The following IARS2 variants were observed in gnomAD, a reference collection of about 807,000 sequenced individuals.
The protein encoded by IARS2 is isoleucyl-tRNA synthetase 2, mitochondrial.
IARS2 carries 56 observed loss-of-function variants against 126.3 expected under a neutral mutation model. The observed-to-expected ratio is 0.44, with a 90% CI of 0.36 to 0.55. IARS2 has a LOEUF of 0.55. IARS2 is among the 20% of genes least tolerant of loss of function. The pLI, the probability that IARS2 is intolerant of heterozygous loss-of-function variation, is 0.00. For missense variants in IARS2, 1,127 were observed against 1,245.9 expected (o/e 0.90, Z 1.44); for synonymous variants, 407 against 441.1 (o/e 0.92, Z 0.97).
At chr1:220,115,616 A>C (rs17007135) in intron 12 of IARS2, among the ~76,000 whole-genome samples, 19,774 of 152,100 alleles carry the variant, frequency 0.13, 1,506 homozygotes, top group South Asian at 0.2. Flanking sequence ...TAAATTTGTT[A>C]AGTTTTACAG....
intron 11 of IARS2, among the ~76,000 whole-genome samples, chr1:220,113,630 T>G (rs555460816): frequency 7.1e-6 from 1 of 141,138 alleles, no homozygotes; most frequent in African/African-American, 3.2e-5. Context: ...TCGATAGATA[T>G]ATATATATAG....
intron 12 of IARS2, among the ~76,000 whole-genome samples, chr1:220,115,569 A>T (rs1041814676): frequency 6.6e-6 from 1 of 152,134 alleles, no homozygotes; most frequent in African/African-American, 2.4e-5. Flanking sequence ...CAAAAAAATT[A>T]AAAAAGAAAA....
At chr1:220,131,492 C>T (rs924278943) in intron 14 of IARS2, among the ~76,000 whole-genome samples, 54 of 152,048 alleles carry the variant, frequency 3.6e-4, no homozygotes, top group African/African-American at 1.2e-3. Flanking sequence ...GCTGTGACTA[C>T]AGGCATGAGC....
intron 17 of IARS2, 132 bp downstream of exon 17, chr1:220,138,175 A>T (rs939551710): frequency 6.4e-5 from 68 of 1,056,632 alleles, no homozygotes; most frequent in Non-Finnish European, 8.9e-5. Flanking sequence ...GTGAGATTTT[A>T]AGAATCTCCT....
chr1:220,097,365 C>CTTTTTTT (rs34660784), intron 2 of IARS2, among the ~76,000 whole-genome samples: 1 of 134,512 alleles, frequency 7.4e-6, no homozygotes. Flanking sequence ...GTTCTTTTTT[C>CTTTTTTT]TTTTTTTTTT....
chr1:220,098,167 G>A (rs970603870), intron 2 of IARS2, among the ~76,000 whole-genome samples: 6 of 152,136 alleles, frequency 3.9e-5, no homozygotes, highest in Non-Finnish European at 5.9e-5. Flanking sequence ...GATTACAGGC[G>A]TGAGCCACTG....
intron 21 of IARS2, among the ~76,000 whole-genome samples, chr1:220,143,553 A>C (rs781220719): frequency 6.6e-5 from 10 of 152,162 alleles, no homozygotes; most frequent in Admixed American, 6.5e-4. Context: ...CCTCAGGACT[A>C]TTTAGAAGAC....
At position 220,139,069 on chromosome 1, in the gene IARS2, C is replaced by A. The variant is rs369797279; in HGVS notation, c.2237C>A (p.Ser746Tyr). The A allele has an allele frequency of 6.2e-7, 1 of 1,612,852 alleles. No homozygotes were observed. The highest frequency in any genetic ancestry group is 1.1e-5 in the South Asian group (1 of 91,040). The change falls in exon 18 of 23, where the codon TCC becomes TAC. Residue 746 changes from serine to tyrosine, a missense_variant. Physicochemically the swap from Ser to Tyr is moderately radical, Grantham distance 144. Transcript: ENST00000366922. ...GCTGATTTCAACCCAGAAACAGATT[C>A]CATCCCTGTAAACGATATGTATGTC... ...NVADFNPETDSIPVNDMYVID... is the reference protein window; with the variant it reads ...NVADFNPETDYIPVNDMYVID...
In IARS2 at chr1:220,094,272, G is replaced by A; in HGVS notation, c.56G>A (p.Arg19Gln). The A allele has an allele frequency of 1.2e-6, 2 of 1,609,256 alleles. No individual in the cohort carries two copies. The highest frequency in any genetic ancestry group is 1.7e-6 in the Non-Finnish European group (2 of 1,178,038). The change falls in exon 1 of 23, where the codon CGA becomes CAA. Residue 19 changes from arginine to glutamine, a missense_variant. Physicochemically the swap from Arg to Gln is conservative, Grantham distance 43 (BLOSUM62 1). Coordinates refer to ENST00000366922, the MANE Select transcript of IARS2 (RefSeq NM_018060.4). ...GGCGCGGCCGCCCTGGCCACTGCCC[G>A]AAGTTTGTGGGGGACGCCCCGCCTT... ...GPGAAALATA[R>Q]SLWGTPRLPC...
chr1:220,142,113 A>T (rs1657502725), intron 20 of IARS2, among the ~76,000 whole-genome samples, 165 bp downstream of exon 20: 1 of 152,156 alleles, frequency 6.6e-6, no homozygotes, highest in Non-Finnish European at 1.5e-5. Context: ...TTTGTAGAGG[A>T]GTAGGGTAAA....
intron 12 of IARS2, 147 bp from the exon 13 acceptor site, chr1:220,125,090 T>C (rs1386138024): frequency 2.1e-6 from 1 of 483,544 alleles, no homozygotes; most frequent in Non-Finnish European, 3.7e-6. Flanking sequence ...ATTTTTTATT[T>C]ATATTGAATT....
At chr1:220,138,724 G>A (rs960071463) in intron 17 of IARS2, among the ~76,000 whole-genome samples, 2 of 151,972 alleles carry the variant, frequency 1.3e-5, no homozygotes, top group African/African-American at 4.8e-5. Flanking sequence ...TGAATAAACT[G>A]GGCTACTGAA....
chr1:220,143,199 T>A, intron 21 of IARS2, 65 bp downstream of exon 21: 1 of 1,236,626 alleles, frequency 8.1e-7, no homozygotes, highest in Non-Finnish European at 1.1e-6. Flanking sequence ...GAAATTTGCT[T>A]TTAAAATGTG....
In IARS2 at chr1:220,094,432, C is replaced by T. The variant is rs1027489547; in HGVS notation, c.216C>T (p.Pro72=). 56 of 1,611,604 alleles carry T rather than the reference C, an allele frequency of 3.5e-5. No individual in the cohort carries two copies. Among genetic ancestry groups the T allele is most frequent in the Non-Finnish European group, 4.7e-5 (56 of 1,179,338 alleles). The change falls in exon 1 of 23, where the codon CCC becomes CCT. Residue 72 remains proline (P), a synonymous_variant. Coordinates refer to ENST00000366922, the MANE Select transcript of IARS2 (RefSeq NM_018060.4). The part of the protein sequence containing the change: ...DTVLLPQTSF[P]MKLLGRQQPD... Reference sequence around the variant, plus strand: ...TGCTGCTGCCGCAGACGAGCTTCCCCATGAAGCTGCTGGGCCGCCAGCAGC... The same window carrying T: ...TGCTGCTGCCGCAGACGAGCTTCCCTATGAAGCTGCTGGGCCGCCAGCAGC...
At chr1:220,140,693 T>C (rs1170130164) in intron 19 of IARS2, among the ~76,000 whole-genome samples, 1 of 148,016 alleles carries the variant, frequency 6.8e-6, no homozygotes, top group African/African-American at 2.5e-5. Context: ...GTTATTAAGA[T>C]TGGGTTCCGG....
intron 2 of IARS2, among the ~76,000 whole-genome samples, chr1:220,096,509 T>A (rs1656446352): frequency 6.6e-6 from 1 of 152,266 alleles, no homozygotes; most frequent in Admixed American, 6.5e-5. Context: ...AAAAAAAAGG[T>A]ATGTCTTGGC....
chr1:220,117,352 C>T lies in IARS2; in HGVS notation c.1640+2878C>T, dbSNP rs567854541. Among the ~76,000 whole-genome samples, 307 of 151,576 alleles carry T rather than the reference C, an allele frequency of 2.0e-3. 1 individual carries two copies. Among genetic ancestry groups the T allele is most frequent in the African/African-American group, 6.6e-3 (272 of 41,398 alleles). On this transcript the variant is annotated intron_variant, in intron 12 of 22. Coordinates refer to ENST00000366922, the MANE Select transcript of IARS2 (RefSeq NM_018060.4). Reference sequence around the variant, plus strand: ...GATTAGAGGCATGTGCCACCACGCCCGGCTAATTTTATATATATATATTTT... The same window carrying T: ...GATTAGAGGCATGTGCCACCACGCCTGGCTAATTTTATATATATATATTTT...
At chr1:220,117,820 C>A (rs1283364399) in intron 12 of IARS2, 1 of 510,136 alleles carries the variant, frequency 2.0e-6, no homozygotes, top group East Asian at 5.5e-5. Context: ...CCTGCCATTG[C>A]GTTGGTTGCG....
intron 14 of IARS2, among the ~76,000 whole-genome samples, chr1:220,129,371 T>G (rs1392895988): frequency 6.6e-6 from 1 of 151,448 alleles, no homozygotes; most frequent in Non-Finnish European, 1.5e-5. Context: ...GTGGGAACAT[T>G]TTATATCTTC....
Sources: allele counts gnomAD v4.1 joint callset (sites outside exome capture counted in the v4.1 genomes callset), GRCh38; gene constraint gnomAD v4.1.1; transcripts MANE v1.5; gene names NCBI Gene and HGNC (gene_info 2026-07-23, HGNC 2026-07-21).